STYXL2: variants seen among roughly 807,000 people sequenced by gnomAD.
The protein encoded by STYXL2 is serine/threonine/tyrosine interacting like 2.
In STYXL2, 44 loss-of-function variants were observed where a neutral mutation model predicts 52.4. The observed-to-expected ratio is 0.84, with a 90% CI of 0.66 to 1.08. The LOEUF (loss-of-function observed/expected upper bound fraction) is 1.08. STYXL2 is among the 50% of genes least tolerant of loss of function. The probability of loss-of-function intolerance (pLI) is 0.00; values close to 1 mark genes in which losing one functional copy is unlikely to be tolerated. For missense variants in STYXL2, 1,604 were observed against 1,471.7 expected (o/e 1.09, Z -1.47); for synonymous variants, 604 against 586.9 (o/e 1.03, Z -0.42).
intron 2 of STYXL2, among the ~76,000 whole-genome samples, chr1:167,111,606 G>T (rs1667625267): frequency 6.6e-6 from 1 of 150,474 alleles, no homozygotes; most frequent in Non-Finnish European, 1.5e-5. Context: ...CAACCTGGAT[G>T]GAATTGGAAA....
rs1056086512 is a variant in STYXL2 at position 167,128,937 on chromosome 1, T to C, written c.*329T>C. The stretch of plus-strand genomic sequence containing the variant: ...TAGAGAGGTGAGCTTGGAAAAGCAC[T>C]GTAGTTTGTCAGAGACTCCAGTTTA... On this transcript the variant is annotated 3_prime_UTR_variant, in exon 6 of 6. Coordinates refer to ENST00000361200, the MANE Select transcript of STYXL2 (RefSeq NM_001080426.3). The C allele has an allele frequency of 1.2e-5, 3 of 250,544 alleles. No individual in the cohort carries two copies. The highest frequency in any genetic ancestry group is 7.7e-6 in the Non-Finnish European group (1 of 130,368). The allele number at this position is 250,544 out of a possible 1,614,324, so 15.5% of individuals were successfully genotyped here.
intron 3 of STYXL2, among the ~76,000 whole-genome samples, chr1:167,117,052 T>C (rs1426904890): frequency 6.6e-6 from 1 of 152,216 alleles, no homozygotes; most frequent in Non-Finnish European, 1.5e-5. Flanking sequence ...TAAAAAATTA[T>C]CGACCAGCTT....
At chr1:167,113,951 C>A in intron 3 of STYXL2, 147 bp downstream of exon 3, 2 of 687,934 alleles carry the variant, frequency 2.9e-6, no homozygotes, top group South Asian at 1.6e-5. Flanking sequence ...GTTCTGCCAA[C>A]CCTACCTCCT....
At chr1:167,124,946 T>C (rs1319629713) in intron 5 of STYXL2, among the ~76,000 whole-genome samples, 1 of 129,698 alleles carries the variant, frequency 7.7e-6, no homozygotes, top group Non-Finnish European at 1.7e-5. Context: ...TACAAACTCC[T>C]AAAAAAAAAA....
chr1:167,112,062 C>T (rs959154974), intron 2 of STYXL2, among the ~76,000 whole-genome samples: 9 of 152,110 alleles, frequency 5.9e-5, no homozygotes, highest in African/African-American at 1.4e-4. Context: ...TGGCCAGACC[C>T]GCCCATGCAG....
rs1667949097 is a variant in STYXL2, at chr1:167,125,775, T to C, written c.656-12T>C. 3.2e-6 allele frequency: 5 copies of C among 1,567,986 alleles called. No homozygotes were observed. Among genetic ancestry groups the C allele is most frequent in the Middle Eastern group, 3.4e-4 (2 of 5,808 alleles). On this transcript the variant is annotated splice_polypyrimidine_tract_variant and intron_variant, in intron 5 of 5. Coordinates refer to ENST00000361200, the MANE Select transcript of STYXL2 (RefSeq NM_001080426.3). ...TGTCATTACATCATTTTCTCTTGTG[T>C]TTTCATTTCAGGGAAAGTCCTGGTC...
At chr1:167,102,693 T>C (rs1217120475) in intron 2 of STYXL2, among the ~76,000 whole-genome samples, 1 of 152,212 alleles carries the variant, frequency 6.6e-6, no homozygotes, top group Admixed American at 6.5e-5. Context: ...GAGCAAATCC[T>C]GTATTCTAAG....
In STYXL2 at chr1:167,126,160, C is replaced by G. The variant is rs373216642; in HGVS notation, c.1029C>G (p.Asp343Glu). The G allele has an allele frequency of 4.0e-5, 60 of 1,511,222 alleles. No individual in the cohort carries two copies. Among genetic ancestry groups the G allele is most frequent in the Non-Finnish European group, 4.6e-5 (52 of 1,132,434 alleles). 93.6% of individuals were successfully genotyped at this position (1,511,222 alleles called of 1,614,324 possible). The stretch of plus-strand genomic sequence containing the variant: ...CCTCCAAGCCCCTCACCCTCATAGA[C>G]GAGGAGGAGGAGGAGAAACTGTACG... ...TQASKPLTLI[D>E]EEEEEKLYEQ... Residue 343 changes from aspartate (D) to glutamate (E), a missense_variant, in exon 6 of 6, where the codon GAC (aspartate) becomes GAG (glutamate). By Grantham distance (45) the Asp-to-Glu change is conservative (BLOSUM62 2). Coordinates refer to ENST00000361200, the MANE Select transcript of STYXL2 (RefSeq NM_001080426.3).
rs139239070 is a variant in STYXL2 at position 167,101,691 on chromosome 1, C to G, written c.110+6732C>G. Among the ~76,000 whole-genome samples the G allele has an allele frequency of 1.4e-3, 209 of 151,902 alleles. 2 individuals carry two copies. Among genetic ancestry groups the G allele is most frequent in the Admixed American group, 1.8e-3 (28 of 15,254 alleles). ...TGGTGGTGGGCACCTGTAAGCCCAG[C>G]TACTTAGGCTGAGGCAAAAGAATCA... On this transcript the variant is annotated intron_variant, in intron 2 of 5. Transcript: ENST00000361200.
rs567316994 is a variant in STYXL2 at position 167,116,898 on chromosome 1, C to G, written c.206-430C>G. On this transcript the variant is annotated intron_variant, in intron 3 of 5. Transcript: ENST00000361200. Reference sequence around the variant, plus strand: ...CTGCTGACCTCAGGTCATCTGCCCACCTTGGCCTCCCAAAGTGCTGGGGTT... The same window carrying G: ...CTGCTGACCTCAGGTCATCTGCCCAGCTTGGCCTCCCAAAGTGCTGGGGTT... Among the ~76,000 whole-genome samples the G allele has an allele frequency of 2.0e-5, 3 of 152,260 alleles. No homozygotes were observed. In the East Asian group the frequency reaches 5.8e-4, roughly 29 times the overall value.
chr1:167,102,111 T>A (rs1217816801), intron 2 of STYXL2, among the ~76,000 whole-genome samples: 2 of 146,866 alleles, frequency 1.4e-5, no homozygotes, highest in South Asian at 4.3e-4. Context: ...ATCTCTACAG[T>A]GGCAGAAAGC....
At position 167,127,579 on chromosome 1, in the gene STYXL2, G is replaced by A; in HGVS notation, c.2448G>A (p.Val816=). 1.2e-6 allele frequency: 2 copies of A among 1,614,210 alleles called. No homozygotes were observed. Among genetic ancestry groups the A allele is most frequent in the Non-Finnish European group, 1.7e-6 (2 of 1,180,040 alleles). The change falls in exon 6 of 6, where the codon GTG becomes GTA. Residue 816 remains valine (V), a synonymous_variant. Coordinates refer to ENST00000361200, the MANE Select transcript of STYXL2 (RefSeq NM_001080426.3). ...SSPAESCRSK[V]RGTSKPIFSL... ...CCGCGGAAAGTTGCAGAAGCAAAGT[G>A]AGGGGGACCAGCAAGCCCATCTTCA...
intron 2 of STYXL2, among the ~76,000 whole-genome samples, chr1:167,097,729 A>G (rs1049408114): frequency 6.6e-6 from 1 of 152,126 alleles, no homozygotes; most frequent in Non-Finnish European, 1.5e-5. Flanking sequence ...AGAAAATAGT[A>G]GGATGGTAGA....
At chr1:167,121,101 C>T (rs1442337828) in intron 5 of STYXL2, among the ~76,000 whole-genome samples, 2 of 150,592 alleles carry the variant, frequency 1.3e-5, no homozygotes, top group Non-Finnish European at 2.9e-5. Flanking sequence ...CAACCTCTGT[C>T]TCCTGGGTTC....
In STYXL2 at chr1:167,128,389, G is replaced by T. The variant is rs1287372355; in HGVS notation, c.3258G>T (p.Arg1086Ser). 1 of 1,613,988 alleles carries T rather than the reference G, an allele frequency of 6.2e-7. No individual in the cohort carries two copies. The highest frequency in any genetic ancestry group is 2.2e-5 in the East Asian group (1 of 44,880). ...KSDFSEFGAK[R>S]KFTQSFMRSE... Reference sequence around the variant, plus strand: ...ACTTCTCTGAATTTGGAGCCAAGAGGAAGTTCACCCAGAGCTTTATGAGGT... The same window carrying T: ...ACTTCTCTGAATTTGGAGCCAAGAGTAAGTTCACCCAGAGCTTTATGAGGT... The change falls in exon 6 of 6, where the codon AGG (arginine) becomes AGT (serine). Residue 1086 changes from arginine (R) to serine (S), a missense_variant. Coordinates refer to ENST00000361200, the MANE Select transcript of STYXL2 (RefSeq NM_001080426.3).
At chr1:167,117,029 A>G (rs1667739220) in intron 3 of STYXL2, among the ~76,000 whole-genome samples, 1 of 152,208 alleles carries the variant, frequency 6.6e-6, no homozygotes, top group African/African-American at 2.4e-5. Flanking sequence ...CCTAATACTT[A>G]AGGAACTTGG....
chr1:167,127,491 G>A lies in STYXL2; in HGVS notation c.2360G>A (p.Ser787Asn), dbSNP rs938228337. Residue 787 changes from serine to asparagine, a missense_variant, in exon 6 of 6, where the codon AGC (serine) becomes AAC (asparagine). Coordinates refer to ENST00000361200, the MANE Select transcript of STYXL2 (RefSeq NM_001080426.3). ...TTGGGTGGCTGCCTGTTGCCTCAGA[G>A]CCAGGCAAGACCCAGCTCTGACATG... ...SSLGGCLLPQ[S>N]QARPSSDMQS... The A allele has an allele frequency of 1.2e-6, 2 of 1,613,994 alleles. No individual in the cohort carries two copies. Among genetic ancestry groups the A allele is most frequent in the Non-Finnish European group, 1.7e-6 (2 of 1,180,036 alleles).
rs145466273 is a variant in STYXL2 at position 167,117,488 on chromosome 1, G to A, written c.366G>A (p.Leu122=). 1 of 1,612,216 alleles carries A rather than the reference G, an allele frequency of 6.2e-7. No individual in the cohort carries two copies. The highest frequency in any genetic ancestry group is 8.5e-7 in the Non-Finnish European group (1 of 1,179,212). The change falls in exon 4 of 6, where the codon CTG becomes CTA. Residue 122 remains leucine (L), a synonymous_variant. Transcript: ENST00000361200. ...TPCVLDLQRA[L]VQDRQEAPWN... is the part of the protein sequence containing the mutation. ...GTGTCCTGGACCTACAGCGGGCCCT[G>A]GTTCAGGATCGCCAAGAGGCGCCCT... is the stretch of plus-strand genomic sequence containing the variant.
intron 2 of STYXL2, among the ~76,000 whole-genome samples, chr1:167,111,847 A>T (rs1332973672): frequency 1.3e-5 from 2 of 152,070 alleles, no homozygotes; most frequent in Non-Finnish European, 2.9e-5. Flanking sequence ...CCACTAAAGA[A>T]CATGTCCATG....
Sources: gnomAD v4.1 joint callset for allele counts (sites outside exome capture counted in the v4.1 genomes callset) on GRCh38, gnomAD v4.1.1 for gene constraint, MANE v1.5 for transcripts, NCBI Gene and HGNC (gene_info 2026-07-23, HGNC 2026-07-21) for gene names.